The following GAN variants were observed in gnomAD, a reference collection of about 807,000 sequenced individuals.
The protein encoded by GAN is gigaxonin.
In GAN, 48 loss-of-function variants were observed where a neutral mutation model predicts 71.3. The ratio of observed to expected loss-of-function variants is 0.67; its 90% CI spans 0.53 to 0.86. GAN has a LOEUF of 0.86. GAN is among the 40% of genes least tolerant of loss of function. The pLI, the probability that GAN is intolerant of heterozygous loss-of-function variation, is 0.00. For synonymous variants in GAN, 386 were observed against 276.8 expected, an observed-to-expected ratio of 1.39 and a Z score of -3.92; for missense variants, 928 against 770.1, an observed-to-expected ratio of 1.21 and a Z score of -2.43.
chr16:81,358,043 T>G (rs780945667), intron 5 of GAN, 112 bp downstream of exon 5: 9 of 955,674 alleles, frequency 9.4e-6, no homozygotes, highest in Non-Finnish European at 1.5e-5. Flanking sequence ...TATCTCTACA[T>G]GACATTTTTA....
At chr16:81,364,057 C>A in intron 7 of GAN, 114 bp downstream of exon 7, 2 of 866,298 alleles carry the variant, frequency 2.3e-6, no homozygotes, top group Non-Finnish European at 3.9e-6. Flanking sequence ...AAAGAATTAA[C>A]TTTATAGAAC....
At chr16:81,340,523 C>T (rs113517389) in intron 1 of GAN, among the ~76,000 whole-genome samples, 3 of 152,088 alleles carry the variant, frequency 2.0e-5, no homozygotes, top group African/African-American at 7.2e-5. Context: ...AGCAAACCCC[C>T]ACAGACCTGC....
At position 81,386,915 on chromosome 16, in the gene GAN, C is replaced by T. The variant is rs927530607; in HGVS notation, c.*9319C>T. On this transcript the variant is annotated 3_prime_UTR_variant, in exon 11 of 11. Transcript: ENST00000648994. ...GAGCCGAGATGGTGCCGTTGCACTC[C>T]AGCCGGGCAACAAGGGCTAAACTCC... 6.6e-6 allele frequency: 1 copy of T among 151,558 alleles called. No homozygotes were observed. Among genetic ancestry groups the T allele is most frequent in the African/African-American group, 2.4e-5 (1 of 41,260 alleles). 9.4% of individuals were successfully genotyped at this position (151,558 alleles called of 1,614,324 possible).
At chr16:81,354,096 G>C (rs1910401397) in intron 2 of GAN, among the ~76,000 whole-genome samples, 1 of 152,154 alleles carries the variant, frequency 6.6e-6, no homozygotes, top group Admixed American at 6.5e-5. Flanking sequence ...GAGTCATTAA[G>C]GTTTTTCTCT....
intron 1 of GAN, among the ~76,000 whole-genome samples, chr16:81,342,626 C>G (rs1269914978): frequency 1.3e-5 from 2 of 152,122 alleles, no homozygotes; most frequent in Non-Finnish European, 2.9e-5. Context: ...GGACACATTT[C>G]AAGCAATATG....
Position 81,332,516 on chromosome 16 carries a change from C to T in GAN, c.167+17236C>T, listed in dbSNP as rs199847671. ...CTGTCCCCCTTCCTTGGTGTACTTG[C>T]TCTCCCTCCAAGTATGCCTGCAAGT... On this transcript the variant is annotated intron_variant, in intron 1 of 10. Coordinates refer to ENST00000648994, the MANE Select transcript of GAN (RefSeq NM_022041.4). 2.0e-5 allele frequency among the ~76,000 whole-genome samples: 3 copies of T among 152,346 alleles called. No homozygotes were observed. In the East Asian group the frequency reaches 5.8e-4, roughly 29 times the overall value.
chr16:81,350,614 C>G (rs962599025), intron 1 of GAN, among the ~76,000 whole-genome samples: 1 of 151,052 alleles, frequency 6.6e-6, no homozygotes, highest in South Asian at 2.1e-4. Context: ...CTCCCAGGTT[C>G]GAGCTATTTT....
rs540086131 is a variant in GAN, at chr16:81,389,208, G to C, written c.*11612G>C. 1 of 152,300 alleles carries C rather than the reference G, an allele frequency of 6.6e-6. No individual in the cohort carries two copies. Among genetic ancestry groups the C allele is most frequent in the Admixed American group, 6.5e-5 (1 of 15,300 alleles). 9.4% of individuals were successfully genotyped at this position (152,300 alleles called of 1,614,324 possible). A position where few individuals can be genotyped will look rare whatever the true frequency, so the allele number is the denominator to read the frequency against. On this transcript the variant is annotated 3_prime_UTR_variant, in exon 11 of 11. Transcript: ENST00000648994. ...CACAGGCTGTTTATTAGCACAACTT[G>C]CTTCATTAAATAATTCGTGGCTTTT...
At chr16:81,360,130 A>G (rs1477626732) in intron 5 of GAN, among the ~76,000 whole-genome samples, 2 of 152,134 alleles carry the variant, frequency 1.3e-5, no homozygotes, top group Non-Finnish European at 2.9e-5. Context: ...AGGTAGGTAG[A>G]TAGTGTTCAT....
intron 1 of GAN, among the ~76,000 whole-genome samples, chr16:81,324,517 AC>A (rs1200621239): frequency 6.6e-6 from 1 of 152,118 alleles, no homozygotes; most frequent in East Asian, 1.9e-4. Flanking sequence ...GGAACAGAAC[AC>A]CACATACCTG....
At position 81,356,902 on chromosome 16, in the gene GAN, A is replaced by T; in HGVS notation, c.751A>T (p.Ile251Leu). ...VREIVKECSN[I>L]PLSQPQQGEA... ...AGAAATTGTCAAAGAGTGTAGCAAT[A>T]TACCGCTCAGCCAGCCGCAGCAAGG... Residue 251 changes from isoleucine to leucine, a missense_variant, in exon 4 of 11, where the codon ATA (isoleucine) becomes TTA (leucine). Transcript: ENST00000648994. 6.2e-7 allele frequency: 1 copy of T among 1,614,008 alleles called. No homozygotes were observed.
chr16:81,319,036 C>G (rs911427651), intron 1 of GAN, among the ~76,000 whole-genome samples: 1 of 152,102 alleles, frequency 6.6e-6, no homozygotes, highest in East Asian at 1.9e-4. Context: ...AGTTGACAGG[C>G]TGGGCGCAGT....
intron 5 of GAN, among the ~76,000 whole-genome samples, chr16:81,360,699 T>C (rs569736707): frequency 3.9e-5 from 6 of 152,334 alleles, no homozygotes; most frequent in Non-Finnish European, 8.8e-5. Flanking sequence ...TTCCAGTTAA[T>C]TTTTATTTTT....
At chr16:81,342,694 C>A (rs1259419600) in intron 1 of GAN, among the ~76,000 whole-genome samples, 1 of 152,048 alleles carries the variant, frequency 6.6e-6, no homozygotes, top group Non-Finnish European at 1.5e-5. Context: ...GATCTAAAAT[C>A]CACACCCTAG....
chr16:81,328,825 C>G (rs994768662), intron 1 of GAN, among the ~76,000 whole-genome samples: 1 of 152,118 alleles, frequency 6.6e-6, no homozygotes, highest in South Asian at 2.1e-4. Context: ...GACTTTTTCT[C>G]TGAAGGGTTA....
chr16:81,349,201 C>T (rs1910218482), intron 1 of GAN, among the ~76,000 whole-genome samples: 1 of 151,970 alleles, frequency 6.6e-6, no homozygotes, highest in Non-Finnish European at 1.5e-5. Context: ...CCCACCCCGA[C>T]CCCGTCCTCA....
At chr16:81,318,206 T>C (rs1313677709) in intron 1 of GAN, among the ~76,000 whole-genome samples, 1 of 152,230 alleles carries the variant, frequency 6.6e-6, no homozygotes, top group Non-Finnish European at 1.5e-5. Flanking sequence ...TCTTTCCCTT[T>C]TGAAACTTAA....
At chr16:81,377,124 T>C (rs1215015067) in intron 9 of GAN, 95 bp from the exon 10 acceptor site, 3 of 820,948 alleles carry the variant, frequency 3.7e-6, no homozygotes, top group Non-Finnish European at 6.6e-6. Context: ...TGCCTGATAC[T>C]GCTGATGACT....
At chr16:81,351,820 C>T in intron 2 of GAN, 123 bp downstream of exon 2, 2 of 721,346 alleles carry the variant, frequency 2.8e-6, no homozygotes, top group Non-Finnish European at 2.5e-6. Context: ...TCACTGTGTG[C>T]ATTGACTGAC....
Sources: gnomAD v4.1 joint callset for allele counts (sites outside exome capture counted in the v4.1 genomes callset) on GRCh38, gnomAD v4.1.1 for gene constraint, MANE v1.5 for transcripts, NCBI Gene and HGNC (gene_info 2026-07-23, HGNC 2026-07-21) for gene names.